Variants in IL1R1 observed in about 807,000 individuals in gnomAD.
IL1R1 encodes interleukin 1 receptor type 1, also known as interleukin-1 receptor type 1.
A neutral mutation model predicts 50.2 loss-of-function variants in IL1R1; 22 were observed. The ratio of observed to expected loss-of-function variants is 0.44; its 90% CI spans 0.31 to 0.63. The LOEUF is 0.63. Ranked by LOEUF, IL1R1 falls within the 20% of genes least tolerant of loss-of-function variation. IL1R1 has a pLI of 0.07. For missense variants in IL1R1, 509 were observed against 676.2 expected, an observed-to-expected ratio of 0.75 and a Z score of 2.74; for synonymous variants, 251 against 236.7, an observed-to-expected ratio of 1.06 and a Z score of -0.55.
intron 1 of IL1R1, among the ~76,000 whole-genome samples, chr2:102,133,631 C>T (rs577062138): frequency 7.9e-5 from 12 of 152,296 alleles, no homozygotes; most frequent in African/African-American, 2.9e-4. Flanking sequence ...ATGTAATTCA[C>T]TATATTAGTG....
Position 102,081,350 on chromosome 2 carries a change from G to A in IL1R1, c.-84+10817G>A, listed in dbSNP as rs138261466. Among the ~76,000 whole-genome samples the A allele has an allele frequency of 5.3e-3, 804 of 152,288 alleles. 4 individuals are homozygous for A. Among genetic ancestry groups the A allele is most frequent in the African/African-American group, 0.019 (777 of 41,540 alleles). The stretch of plus-strand genomic sequence containing the variant: ...AGCTAAGGGAGCCTGGGATGGAAGA[G>A]TTTGAACCACACCCAATGGCCTGCA... On this transcript the variant is annotated intron_variant, in intron 1 of 11. Transcript: ENST00000409929.
chr2:102,112,022 G>T (rs1386480065), intron 1 of IL1R1, among the ~76,000 whole-genome samples: 1 of 152,116 alleles, frequency 6.6e-6, no homozygotes, highest in Non-Finnish European at 1.5e-5. Flanking sequence ...CCTGGGGAAG[G>T]CATTGAGGAG....
chr2:102,128,116 C>T (rs1681829425), intron 1 of IL1R1, among the ~76,000 whole-genome samples: 1 of 151,918 alleles, frequency 6.6e-6, no homozygotes, highest in African/African-American at 2.4e-5. Flanking sequence ...GTCGAAATAC[C>T]CTCCTTTTTA....
At chr2:102,157,102 T>C (rs933163569) in intron 2 of IL1R1, among the ~76,000 whole-genome samples, 1 of 152,118 alleles carries the variant, frequency 6.6e-6, no homozygotes, top group Non-Finnish European at 1.5e-5. Flanking sequence ...CAAAGTTCGT[T>C]GTAGATATTT....
chr2:102,148,981 C>G (rs10208708), intron 1 of IL1R1, among the ~76,000 whole-genome samples: 26,754 of 147,502 alleles, frequency 0.18, 2,585 homozygotes, highest in South Asian at 0.29. Flanking sequence ...AACAAACAAA[C>G]GGGTAACAGG....
intron 1 of IL1R1, among the ~76,000 whole-genome samples, chr2:102,113,429 T>C (rs80012843): frequency 0.029 from 4,395 of 152,298 alleles, 128 homozygotes; most frequent in Non-Finnish European, 0.037. Flanking sequence ...TTGCTTTTGG[T>C]GACCAGAGCT....
chr2:102,176,825 C>T lies in IL1R1; in HGVS notation c.*66C>T. 1 of 1,443,450 alleles carries T rather than the reference C, an allele frequency of 6.9e-7. No homozygotes were observed. Among genetic ancestry groups the T allele is most frequent in the East Asian group, 2.3e-5 (1 of 43,858 alleles). 89.4% of individuals were successfully genotyped at this position (1,443,450 alleles called of 1,614,324 possible). On this transcript the variant is annotated 3_prime_UTR_variant, in exon 12 of 12. Transcript: ENST00000410023. ...TTATGGCGTTGCAGGCCAGGTTATGCCTCATGCTGACTTGCAGAGTTCATG... is the reference window on the plus strand; with the variant it reads ...TTATGGCGTTGCAGGCCAGGTTATGTCTCATGCTGACTTGCAGAGTTCATG...
At chr2:102,087,606 GA>G (rs1329886869) in intron 1 of IL1R1, among the ~76,000 whole-genome samples, 1 of 152,138 alleles carries the variant, frequency 6.6e-6, no homozygotes, top group Non-Finnish European at 1.5e-5. Context: ...TCATGATAGT[GA>G]GTGTGAGTTC....
chr2:102,145,532 C>T (rs767637875), intron 1 of IL1R1, among the ~76,000 whole-genome samples: 4 of 152,126 alleles, frequency 2.6e-5, no homozygotes, highest in African/African-American at 7.2e-5. Flanking sequence ...CATGGCGGCA[C>T]GATGGAGACA....
intron 1 of IL1R1, among the ~76,000 whole-genome samples, chr2:102,145,759 T>C (rs1313127366): frequency 1.3e-5 from 2 of 152,138 alleles, no homozygotes; most frequent in East Asian, 3.9e-4. Context: ...GCCTGCACCT[T>C]AGCACTGCCT....
At chr2:102,175,674 C>T (rs778899098) in intron 11 of IL1R1, 29 bp downstream of exon 11, 2 of 1,604,600 alleles carry the variant, frequency 1.2e-6, no homozygotes, top group East Asian at 2.2e-5. Context: ...AGAGTAAAGG[C>T]TTATTGTTGT....
intron 1 of IL1R1, among the ~76,000 whole-genome samples, chr2:102,097,083 AG>A (rs1461362411): frequency 6.6e-6 from 1 of 152,222 alleles, no homozygotes; most frequent in African/African-American, 2.4e-5. Flanking sequence ...GCACAACAAA[AG>A]TTTACGTCTC....
At chr2:102,170,138 A>G (rs1006328032) in intron 7 of IL1R1, among the ~76,000 whole-genome samples, 119 of 152,378 alleles carry the variant, frequency 7.8e-4, no homozygotes, top group African/African-American at 2.8e-3. Context: ...TTATATTGAC[A>G]GTGGATCAGA....
chr2:102,086,392 T>C (rs1388353667), intron 1 of IL1R1, among the ~76,000 whole-genome samples: 1 of 152,206 alleles, frequency 6.6e-6, no homozygotes, highest in South Asian at 2.1e-4. Flanking sequence ...CATTGGCTTT[T>C]AACAATTTGC....
chr2:102,079,677 A>G (rs935588842), intron 1 of IL1R1, among the ~76,000 whole-genome samples: 2 of 152,142 alleles, frequency 1.3e-5, no homozygotes, highest in African/African-American at 4.8e-5. Context: ...CCCCAAATGT[A>G]TCCCAGATTT....
chr2:102,084,404 G>A (rs1443012670), intron 1 of IL1R1, among the ~76,000 whole-genome samples: 1 of 152,162 alleles, frequency 6.6e-6, no homozygotes, highest in African/African-American at 2.4e-5. Context: ...AATAGAGGTT[G>A]CTCGGAATCA....
chr2:102,096,873 A>G (rs530689742), intron 1 of IL1R1, among the ~76,000 whole-genome samples: 2,433 of 118,634 alleles, frequency 0.021, 27 homozygotes, highest in South Asian at 0.038. Context: ...TCTGAAGTGG[A>G]TCTTTTTTTT....
intron 6 of IL1R1, among the ~76,000 whole-genome samples, chr2:102,168,175 C>T (rs1685365093): frequency 6.6e-6 from 1 of 152,194 alleles, no homozygotes; most frequent in Non-Finnish European, 1.5e-5. Context: ...CTGTAGTTCT[C>T]ACTATTGGGT....
chr2:102,109,080 C>T (rs537615410), intron 1 of IL1R1, among the ~76,000 whole-genome samples: 1 of 152,044 alleles, frequency 6.6e-6, no homozygotes, highest in African/African-American at 2.4e-5. Context: ...TTTTATTTTG[C>T]AGATTAAGAA....
Sources: allele counts gnomAD v4.1 joint callset (sites outside exome capture counted in the v4.1 genomes callset), GRCh38; gene constraint gnomAD v4.1.1; transcripts MANE v1.5; gene names NCBI Gene and HGNC (gene_info 2026-07-23, HGNC 2026-07-21).